The following CHST9 variants were observed in gnomAD, a reference collection of about 807,000 sequenced individuals.
CHST9 encodes the protein carbohydrate sulfotransferase 9, also known as GalNAc-4-sulfotransferase 2.
A neutral mutation model predicts 44.4 loss-of-function variants in CHST9; 41 were observed. The observed-to-expected ratio is 0.92, with a 90% confidence interval of 0.72 to 1.20. CHST9 has a LOEUF of 1.20. Ranked by LOEUF, CHST9 falls within the 50% of genes most tolerant of loss-of-function variation. The pLI, the probability that CHST9 is intolerant of heterozygous loss-of-function variation, is 0.00. For synonymous variants in CHST9, 171 were observed against 178.4 expected, an observed-to-expected ratio of 0.96 and a Z score of 0.33; for missense variants, 504 against 516.5, an observed-to-expected ratio of 0.98 and a Z score of 0.23.
intron 1 of CHST9, among the ~76,000 whole-genome samples, chr18:27,167,678 CAA>C (rs1204970863): frequency 1.3e-5 from 2 of 152,108 alleles, no homozygotes; most frequent in African/African-American, 4.8e-5. Flanking sequence ...TAAAGTGTGA[CAA>C]GTGCTAAAAT....
At chr18:27,048,534 C>A in intron 2 of CHST9, 31 bp from the exon 3 acceptor site, 1 of 1,562,456 alleles carries the variant, frequency 6.4e-7, no homozygotes, top group Non-Finnish European at 8.7e-7. Context: ...TAAGTTACAG[C>A]ATGGAGTCAT....
chr18:27,012,796 A>T (rs1038919481), intron 4 of CHST9, among the ~76,000 whole-genome samples: 1 of 152,268 alleles, frequency 6.6e-6, no homozygotes, highest in Non-Finnish European at 1.5e-5. Context: ...CAAAAGGTAC[A>T]GTAATTATAA....
chr18:26,980,395 A>G (rs2056677596), intron 4 of CHST9, among the ~76,000 whole-genome samples: 1 of 152,166 alleles, frequency 6.6e-6, no homozygotes, highest in Non-Finnish European at 1.5e-5. Flanking sequence ...GAATGAAGAT[A>G]ATAATGGCAA....
Position 27,053,566 on chromosome 18 carries a change from G to T in CHST9, c.122-5063C>A, listed in dbSNP as rs2057614666. 2.6e-5 allele frequency among the ~76,000 whole-genome samples: 4 copies of T among 151,980 alleles called. No individual in the cohort carries two copies. The South Asian group carries it at 8.3e-4, about 32-fold the overall frequency. On this transcript the variant is annotated intron_variant, in intron 2 of 5. Coordinates refer to ENST00000618847, the MANE Select transcript of CHST9 (RefSeq NM_031422.6). Reference sequence around the variant, plus strand: ...CATGAACTTTATATCTGTTCCTGGGGTTATCTATTTTCTATGGGCTCCTAA... The same window carrying T: ...CATGAACTTTATATCTGTTCCTGGGTTTATCTATTTTCTATGGGCTCCTAA...
intron 5 of CHST9, chr18:26,936,603 G>A (rs1408952915): frequency 1.3e-5 from 2 of 152,046 alleles, no homozygotes; most frequent in African/African-American, 4.8e-5. Context: ...ACTGCCTTTC[G>A]TTGCTATGTG....
chr18:27,024,711 T>C (rs2057264864), intron 3 of CHST9, among the ~76,000 whole-genome samples: 1 of 152,162 alleles, frequency 6.6e-6, no homozygotes, highest in South Asian at 2.1e-4. Context: ...AACAGAAAGC[T>C]AGGATAAAAA....
chr18:27,074,160 A>G (rs2143656547), intron 2 of CHST9, among the ~76,000 whole-genome samples: 2 of 152,340 alleles, frequency 1.3e-5, no homozygotes, highest in South Asian at 2.1e-4. Flanking sequence ...AAACTTTATG[A>G]GACTAACATC....
intron 2 of CHST9, among the ~76,000 whole-genome samples, chr18:27,130,810 T>C (rs1380665213): frequency 6.6e-6 from 1 of 152,168 alleles, no homozygotes; most frequent in Non-Finnish European, 1.5e-5. Flanking sequence ...CAAATAAATC[T>C]CAAAAACCTA....
intron 2 of CHST9, among the ~76,000 whole-genome samples, chr18:27,137,519 G>C (rs1271372069): frequency 6.6e-6 from 1 of 152,006 alleles, no homozygotes; most frequent in Non-Finnish European, 1.5e-5. Context: ...GAGGAAGAGA[G>C]GCAGCTCCAG....
intron 2 of CHST9, among the ~76,000 whole-genome samples, chr18:27,086,921 C>A (rs1192705180): frequency 1.3e-5 from 2 of 151,912 alleles, no homozygotes; most frequent in African/African-American, 2.4e-5. Flanking sequence ...GGGGCTCTAA[C>A]ATGAGGTGGT....
intron 2 of CHST9, among the ~76,000 whole-genome samples, chr18:27,119,855 C>G (rs1202131886): frequency 6.6e-6 from 1 of 152,064 alleles, no homozygotes; most frequent in African/African-American, 2.4e-5. Context: ...AAGGGTCAGG[C>G]ACAGTAAAGC....
intron 4 of CHST9, among the ~76,000 whole-genome samples, chr18:26,978,201 CTT>C (rs1171039264): frequency 2.0e-5 from 3 of 151,200 alleles, no homozygotes; most frequent in African/African-American, 4.9e-5. Context: ...TTAGAAATCT[CTT>C]TGTCTCAAAA....
intron 2 of CHST9, among the ~76,000 whole-genome samples, chr18:27,074,214 G>A (rs993627363): frequency 3.3e-5 from 5 of 152,154 alleles, no homozygotes; most frequent in African/African-American, 9.7e-5. Flanking sequence ...CAAGGGATAT[G>A]TTATTTTCAA....
intron 4 of CHST9, among the ~76,000 whole-genome samples, chr18:26,965,138 G>C (rs1471687575): frequency 6.6e-6 from 1 of 152,174 alleles, no homozygotes; most frequent in East Asian, 1.9e-4. Flanking sequence ...CATTGGACCA[G>C]CATTTTTTGG....
intron 2 of CHST9, among the ~76,000 whole-genome samples, chr18:27,059,150 T>C (rs955037610): frequency 6.6e-6 from 1 of 152,214 alleles, no homozygotes; most frequent in Non-Finnish European, 1.5e-5. Context: ...ACATATTTTG[T>C]TTTATTAGAG....
At chr18:27,011,262 C>T (rs959635937) in intron 4 of CHST9, among the ~76,000 whole-genome samples, 19 of 152,154 alleles carry the variant, frequency 1.2e-4, no homozygotes, top group African/African-American at 4.6e-4. Context: ...ACTGAAGTGG[C>T]TTTCATTTTC....
chr18:27,142,571 A>ATTTTTTG, intron 2 of CHST9, 118 bp downstream of exon 2: 2 of 728,616 alleles, frequency 2.7e-6, no homozygotes, highest in East Asian at 6.9e-5. Flanking sequence ...CTTATGACTC[A>ATTTTTTG]TTTTTTGTTG....
At chr18:26,997,804 G>C (rs1262858052) in intron 4 of CHST9, among the ~76,000 whole-genome samples, 1 of 152,082 alleles carries the variant, frequency 6.6e-6, no homozygotes, top group Non-Finnish European at 1.5e-5. Context: ...TGGGAATAAG[G>C]CTGAACCATG....
Position 26,975,733 on chromosome 18 carries a change from A to ATGTG in CHST9, c.203-31368_203-31367insCACA, listed in dbSNP as rs1568117380. On this transcript the variant is annotated intron_variant, in intron 4 of 5. Transcript: ENST00000618847. ...TATGTGTGTGTGTGTGTGTATATAT[A>ATGTG]TATATATATATATATATATATATAT... Among the ~76,000 whole-genome samples the ATGTG allele has an allele frequency of 3.1e-3, 92 of 29,370 alleles. 1 individual carries two copies. Among genetic ancestry groups the ATGTG allele is most frequent in the African/African-American group, 0.014 (90 of 6,410 alleles). The allele number at this position is 29,370 out of a possible 152,430, so 19.3% of individuals were successfully genotyped here.
Sources: gnomAD v4.1 joint callset for allele counts (sites outside exome capture counted in the v4.1 genomes callset) on GRCh38, gnomAD v4.1.1 for gene constraint, MANE v1.5 for transcripts, NCBI Gene and HGNC (gene_info 2026-07-23, HGNC 2026-07-21) for gene names.